CDKAL1: variants seen among roughly 807,000 people sequenced by gnomAD.
CDKAL1 encodes CDKAL1 threonylcarbamoyladenosine tRNA methylthiotransferase.
Under a neutral mutation model 68.2 loss-of-function variants are expected in CDKAL1, and 32 were observed. That is an observed-to-expected ratio of 0.47 (90% CI 0.35 to 0.63). CDKAL1 has a LOEUF of 0.63. Ranked by LOEUF, CDKAL1 falls within the 30% of genes least tolerant of loss-of-function variation. The pLI is 0.00. For synonymous variants in CDKAL1, 234 were observed against 244.3 expected, an observed-to-expected ratio of 0.96 and a Z score of 0.39; for missense variants, 606 against 696.7, an observed-to-expected ratio of 0.87 and a Z score of 1.47.
chr6:20,708,509 C>T (rs1207845719), intron 5 of CDKAL1, among the ~76,000 whole-genome samples: 2 of 152,116 alleles, frequency 1.3e-5, no homozygotes, highest in African/African-American at 4.8e-5. Context: ...TGGCAAGTCA[C>T]TTGTGGTTTA....
chr6:20,760,233 G>T (rs1486958991), intron 7 of CDKAL1, among the ~76,000 whole-genome samples: 1 of 152,100 alleles, frequency 6.6e-6, no homozygotes, highest in East Asian at 1.9e-4. Flanking sequence ...ACCCACCTTG[G>T]CCTCCAAAAG....
At chr6:21,027,383 G>T (rs1449648738) in intron 11 of CDKAL1, among the ~76,000 whole-genome samples, 1 of 152,138 alleles carries the variant, frequency 6.6e-6, no homozygotes, top group Non-Finnish European at 1.5e-5. Context: ...TTATATACTG[G>T]CCATTGTCTT....
At chr6:21,025,766 GCT>G (rs572066049) in intron 11 of CDKAL1, among the ~76,000 whole-genome samples, 2 of 152,036 alleles carry the variant, frequency 1.3e-5, no homozygotes, top group Non-Finnish European at 2.9e-5. Flanking sequence ...GAGAAAGAAA[GCT>G]TCATTCCAAA....
intron 10 of CDKAL1, among the ~76,000 whole-genome samples, chr6:20,977,261 T>A (rs1181087083): frequency 6.6e-6 from 1 of 152,250 alleles, no homozygotes; most frequent in Non-Finnish European, 1.5e-5. Flanking sequence ...TAATTTGGAA[T>A]ATAAAGATTT....
intron 10 of CDKAL1, among the ~76,000 whole-genome samples, chr6:20,983,849 T>C (rs1003387339): frequency 3.3e-5 from 5 of 152,240 alleles, no homozygotes; most frequent in Non-Finnish European, 1.5e-5. Context: ...AAATGATTTA[T>C]TGTTTGTTAA....
At chr6:21,176,696 G>GGT (rs1777591871) in intron 13 of CDKAL1, among the ~76,000 whole-genome samples, 3 of 100,522 alleles carry the variant, frequency 3.0e-5, no homozygotes, top group East Asian at 5.1e-4. Context: ...TTTTTTTTTT[G>GGT]TTTTTTTTTT....
intron 10 of CDKAL1, among the ~76,000 whole-genome samples, chr6:20,984,683 A>G (rs914771534): frequency 6.6e-6 from 1 of 152,178 alleles, no homozygotes; most frequent in Admixed American, 6.5e-5. Flanking sequence ...CTCCTCTCCG[A>G]AGCTACGCCT....
At chr6:20,902,337 ACACACACACACACACACACAC>A (rs1561870844) in intron 9 of CDKAL1, among the ~76,000 whole-genome samples, 9 of 151,032 alleles carry the variant, frequency 6.0e-5, no homozygotes, top group Middle Eastern at 3.4e-3. Flanking sequence ...ACACACACAC[ACACACACACACACACACACAC>A]AATGTGTTTA....
chr6:20,956,731 C>G (rs1209038725), intron 10 of CDKAL1, among the ~76,000 whole-genome samples: 2 of 151,970 alleles, frequency 1.3e-5, no homozygotes, highest in African/African-American at 2.4e-5. Context: ...GAATGGCTTC[C>G]TTAATATCAA....
chr6:20,738,485 GTTTTT>G lies in CDKAL1; in HGVS notation c.372-1017_372-1013del, dbSNP rs71712438. On this transcript the variant is annotated intron_variant, in intron 5 of 15. Transcript: ENST00000274695. ...TTTGAGCCAGCATTTCTACTTCTTA[GTTTTT>G]TTTTTTTTTTTTTTTTGATACACAG... Among the ~76,000 whole-genome samples, 28 of 119,640 alleles carry G rather than the reference GTTTTT, an allele frequency of 2.3e-4. 1 individual carries two copies. The highest frequency in any genetic ancestry group is 1.3e-4 in the African/African-American group (4 of 31,636). The allele number at this position is 119,640 out of a possible 152,430, so 78.5% of individuals were successfully genotyped here. A position where few individuals can be genotyped will look rare whatever the true frequency, so the allele number is the denominator to read the frequency against.
intron 7 of CDKAL1, among the ~76,000 whole-genome samples, chr6:20,764,416 C>T (rs566303039): frequency 3.9e-5 from 6 of 152,182 alleles, no homozygotes; most frequent in South Asian, 2.1e-4. Flanking sequence ...CAAGTTTCAC[C>T]GATTTTCTGT....
At chr6:20,901,136 C>T (rs548208056) in intron 9 of CDKAL1, among the ~76,000 whole-genome samples, 2 of 152,124 alleles carry the variant, frequency 1.3e-5, no homozygotes, top group South Asian at 2.1e-4. Flanking sequence ...GACAGGAGAA[C>T]GGGCATGTGT....
At chr6:20,575,587 A>G (rs16883944) in intron 4 of CDKAL1, among the ~76,000 whole-genome samples, 2,862 of 152,216 alleles carry the variant, frequency 0.019, 99 homozygotes, top group African/African-American at 0.064. Flanking sequence ...TTCAGAAACC[A>G]CAGGTCCAAG....
At chr6:20,662,515 G>C (rs1436207124) in intron 5 of CDKAL1, among the ~76,000 whole-genome samples, 1 of 152,082 alleles carries the variant, frequency 6.6e-6, no homozygotes, top group Admixed American at 6.6e-5. Flanking sequence ...ATGAAAGGAT[G>C]GCACTTTTGT....
At chr6:21,216,259 C>G (rs1180842347) in intron 15 of CDKAL1, among the ~76,000 whole-genome samples, 1 of 152,110 alleles carries the variant, frequency 6.6e-6, no homozygotes, top group African/African-American at 2.4e-5. Flanking sequence ...TAATTGGGAA[C>G]TTATCAGACT....
At position 20,905,553 on chromosome 6, in the gene CDKAL1, C is replaced by T. The variant is rs1050689544; in HGVS notation, c.743-49866C>T. Reference sequence around the variant, plus strand: ...AGAGATAATGGTGGAAAACTTCCCACATTTGATGAAAGACATGAATGTAAA... The same window carrying T: ...AGAGATAATGGTGGAAAACTTCCCATATTTGATGAAAGACATGAATGTAAA... On this transcript the variant is annotated intron_variant, in intron 9 of 15. Coordinates refer to ENST00000274695, the MANE Select transcript of CDKAL1 (RefSeq NM_017774.3). Among the ~76,000 whole-genome samples, 9 of 152,280 alleles carry T rather than the reference C, an allele frequency of 5.9e-5. 2 individuals are homozygous for T. Among genetic ancestry groups the T allele is most frequent in the Admixed American group, 5.2e-4 (8 of 15,298 alleles).
At chr6:20,730,514 G>A (rs1177394896) in intron 5 of CDKAL1, among the ~76,000 whole-genome samples, 1 of 150,242 alleles carries the variant, frequency 6.7e-6, no homozygotes, top group African/African-American at 2.4e-5. Context: ...AAGAAAGAAA[G>A]AGATTACATG....
chr6:20,986,715 A>G (rs1766479264), intron 10 of CDKAL1, among the ~76,000 whole-genome samples: 2 of 152,168 alleles, frequency 1.3e-5, no homozygotes, highest in Admixed American at 1.3e-4. Flanking sequence ...TTCTAAATAT[A>G]CTTTTAAAGA....
intron 12 of CDKAL1, among the ~76,000 whole-genome samples, chr6:21,089,671 AC>A (rs779657684): frequency 1.3e-4 from 20 of 152,274 alleles, no homozygotes; most frequent in Middle Eastern, 3.4e-3. Flanking sequence ...CTACACAAAC[AC>A]CTTCAAAAGG....
Sources: gnomAD v4.1 joint callset for allele counts (sites outside exome capture counted in the v4.1 genomes callset) on GRCh38, gnomAD v4.1.1 for gene constraint, MANE v1.5 for transcripts, NCBI Gene and HGNC (gene_info 2026-07-23, HGNC 2026-07-21) for gene names.